The following L3MBTL4 variants were observed in gnomAD, a reference collection of about 807,000 sequenced individuals.
L3MBTL4 encodes L3MBTL histone methyl-lysine binding protein 4, also known as lethal(3)malignant brain tumor-like protein 4.
L3MBTL4 carries 70 observed loss-of-function variants against 84.5 expected under a neutral mutation model. The observed-to-expected ratio is 0.83, with a 90% CI of 0.68 to 1.01. The LOEUF is 1.01. Among genes scored for constraint, L3MBTL4 ranks in the 50% least tolerant of loss-of-function variants. L3MBTL4 has a pLI of 0.00. For missense variants in L3MBTL4, 715 were observed against 754.8 expected (o/e 0.95, Z 0.62); for synonymous variants, 274 against 259.8 (o/e 1.05, Z -0.52).
chr18:6,168,087 G>C (rs2043770237), intron 13 of L3MBTL4, among the ~76,000 whole-genome samples: 1 of 152,260 alleles, frequency 6.6e-6, no homozygotes, highest in South Asian at 2.1e-4. Context: ...TTGCTTCAAA[G>C]AGAATAAAAT....
chr18:6,392,056 C>T (rs1247398327), intron 1 of L3MBTL4, among the ~76,000 whole-genome samples: 3 of 152,072 alleles, frequency 2.0e-5, no homozygotes, highest in Non-Finnish European at 4.4e-5. Flanking sequence ...CAACCCTAAG[C>T]ATAAAGAATA....
intron 18 of L3MBTL4, among the ~76,000 whole-genome samples, chr18:5,958,409 A>G (rs766602342): frequency 3.3e-5 from 5 of 152,202 alleles, no homozygotes; most frequent in Non-Finnish European, 7.3e-5. Flanking sequence ...GCCTACATCC[A>G]TACCCTGACC....
At chr18:6,203,433 A>G (rs2045733335) in intron 12 of L3MBTL4, among the ~76,000 whole-genome samples, 2 of 152,202 alleles carry the variant, frequency 1.3e-5, no homozygotes, top group Non-Finnish European at 2.9e-5. Context: ...CATAAAGTTG[A>G]CTAGACTTCC....
chr18:6,298,011 T>A (rs976959398), intron 4 of L3MBTL4, among the ~76,000 whole-genome samples: 1 of 152,236 alleles, frequency 6.6e-6, no homozygotes, highest in Non-Finnish European at 1.5e-5. Context: ...ATCATATGCA[T>A]AAATGGAATG....
chr18:6,206,403 A>G (rs189748399), intron 12 of L3MBTL4, among the ~76,000 whole-genome samples: 1 of 152,194 alleles, frequency 6.6e-6, no homozygotes, highest in African/African-American at 2.4e-5. Flanking sequence ...TTTCTATTCT[A>G]TCTGGCTCAT....
chr18:6,151,740 G>A (rs1598920071), intron 13 of L3MBTL4, among the ~76,000 whole-genome samples: 2 of 152,128 alleles, frequency 1.3e-5, no homozygotes, highest in African/African-American at 4.8e-5. Context: ...TATTCAAGAT[G>A]TATGACATGG....
chr18:6,037,547 G>T (rs1400352083), intron 16 of L3MBTL4, among the ~76,000 whole-genome samples: 1 of 152,156 alleles, frequency 6.6e-6, no homozygotes, highest in South Asian at 2.1e-4. Flanking sequence ...AGGCCACCAC[G>T]CTCTACATGG....
At chr18:6,193,703 G>A (rs1030197729) in intron 12 of L3MBTL4, among the ~76,000 whole-genome samples, 8 of 152,224 alleles carry the variant, frequency 5.3e-5, no homozygotes, top group Non-Finnish European at 8.8e-5. Context: ...GTGCCAGGCT[G>A]TGAGTTTGAT....
At chr18:6,278,755 C>T (rs1378720054) in intron 4 of L3MBTL4, among the ~76,000 whole-genome samples, 1 of 152,066 alleles carries the variant, frequency 6.6e-6, no homozygotes, top group Non-Finnish European at 1.5e-5. Context: ...TCAACCTTTT[C>T]CTGAGTGCCC....
intron 16 of L3MBTL4, among the ~76,000 whole-genome samples, chr18:6,016,299 A>C (rs1279011410): frequency 2.6e-5 from 4 of 152,184 alleles, no homozygotes. Flanking sequence ...TTCGAACTAC[A>C]TGCTGCAGAT....
chr18:6,196,835 G>A (rs1244206974), intron 12 of L3MBTL4, among the ~76,000 whole-genome samples: 3 of 152,194 alleles, frequency 2.0e-5, no homozygotes, highest in African/African-American at 7.2e-5. Context: ...AGCTATGCCT[G>A]TAGCCAGACC....
intron 16 of L3MBTL4, chr18:6,030,802 T>C (rs1251230452): frequency 3.0e-6 from 3 of 985,070 alleles, no homozygotes. Flanking sequence ...TAAAAACGTC[T>C]TACGATAATG....
chr18:6,338,869 C>G (rs1029293196), intron 1 of L3MBTL4, among the ~76,000 whole-genome samples: 1 of 151,872 alleles, frequency 6.6e-6, no homozygotes, highest in Non-Finnish European at 1.5e-5. Context: ...TACCAGAAAA[C>G]CTAGACTGTA....
chr18:6,047,161 AT>A (rs1262204952), intron 16 of L3MBTL4, among the ~76,000 whole-genome samples: 1 of 152,182 alleles, frequency 6.6e-6, no homozygotes, highest in Non-Finnish European at 1.5e-5. Flanking sequence ...AAACTGATGT[AT>A]TCCTGGAAAC....
chr18:6,233,018 C>T lies in L3MBTL4; in HGVS notation c.784+4946G>A, dbSNP rs145804026. ...TGGGATGCAAGGCTGGTTCAAGATA[C>T]GCAAATCAATAAACGTAATCCAGCA... On this transcript the variant is annotated intron_variant, in intron 10 of 18. Transcript: ENST00000317931. Among the ~76,000 whole-genome samples, 1,168 of 152,098 alleles carry T rather than the reference C, an allele frequency of 7.7e-3. 10 individuals are homozygous for T. The highest frequency in any genetic ancestry group is 0.017 in the Middle Eastern group (5 of 294).
chr18:6,252,248 G>A (rs1031999934), intron 5 of L3MBTL4, among the ~76,000 whole-genome samples: 2 of 152,186 alleles, frequency 1.3e-5, no homozygotes, highest in African/African-American at 2.4e-5. Context: ...GGGAGGCAGA[G>A]GTTGCAGTGA....
intron 4 of L3MBTL4, among the ~76,000 whole-genome samples, chr18:6,269,350 G>A (rs149087363): frequency 9.8e-4 from 149 of 152,102 alleles, no homozygotes; most frequent in East Asian, 7.4e-3. Context: ...CCAGCTACTC[G>A]GGAGGCTGAG....
intron 1 of L3MBTL4, among the ~76,000 whole-genome samples, chr18:6,408,501 G>A (rs946605104): frequency 6.6e-6 from 1 of 152,072 alleles, no homozygotes; most frequent in African/African-American, 2.4e-5. Flanking sequence ...TTTTAAAACT[G>A]CAGATTTCCA....
At chr18:6,083,313 A>C (rs1475974999) in intron 15 of L3MBTL4, among the ~76,000 whole-genome samples, 1 of 152,180 alleles carries the variant, frequency 6.6e-6, no homozygotes, top group Non-Finnish European at 1.5e-5. Context: ...CAGAACGAGC[A>C]TAAGTAACGT....
Sources: allele counts gnomAD v4.1 joint callset (sites outside exome capture counted in the v4.1 genomes callset), GRCh38; gene constraint gnomAD v4.1.1; transcripts MANE v1.5; gene names NCBI Gene and HGNC (gene_info 2026-07-23, HGNC 2026-07-21).